KAZN: variants seen among roughly 807,000 people sequenced by gnomAD.
KAZN encodes the protein kazrin, periplakin interacting protein.
KAZN carries 40 observed loss-of-function variants against 87.4 expected under a neutral mutation model. The observed-to-expected ratio is 0.46, with a 90% confidence interval of 0.36 to 0.60. The LOEUF (loss-of-function observed/expected upper bound fraction) is 0.60. Ranked by LOEUF, KAZN falls within the 20% of genes least tolerant of loss-of-function variation. KAZN has a pLI of 0.00. For synonymous variants in KAZN, 466 were observed against 458.3 expected (o/e 1.02, Z -0.22); for missense variants, 898 against 1,073.9 (o/e 0.84, Z 2.29).
chr1:14,988,471 G>A (rs1011252684), intron 2 of KAZN, among the ~76,000 whole-genome samples: 10 of 152,252 alleles, frequency 6.6e-5, no homozygotes, highest in African/African-American at 2.4e-4. Flanking sequence ...CCTGCTGGAG[G>A]GAATCGTGAT....
At chr1:14,343,819 A>G (rs779168580) in intron 2 of KAZN, among the ~76,000 whole-genome samples, 1 of 152,206 alleles carries the variant, frequency 6.6e-6, no homozygotes, top group Non-Finnish European at 1.5e-5. Context: ...ATGAGCGGGC[A>G]GCCTCTCTCC....
At chr1:14,432,320 G>A (rs888538771) in intron 2 of KAZN, among the ~76,000 whole-genome samples, 2 of 152,184 alleles carry the variant, frequency 1.3e-5, no homozygotes, top group Non-Finnish European at 2.9e-5. Context: ...TCACCAGAAT[G>A]GAAAAGAAAA....
At chr1:14,675,805 A>C (rs1367776577) in intron 1 of KAZN, among the ~76,000 whole-genome samples, 1 of 152,066 alleles carries the variant, frequency 6.6e-6, no homozygotes, top group African/African-American at 2.4e-5. Flanking sequence ...ACTTTGGGGG[A>C]ATAGCCAAGG....
At chr1:14,147,066 CT>C (rs1383179064) in intron 1 of KAZN, among the ~76,000 whole-genome samples, 3 of 151,918 alleles carry the variant, frequency 2.0e-5, no homozygotes, top group African/African-American at 7.3e-5. Flanking sequence ...TTTTCTTTTC[CT>C]TTTGATTTTC....
At chr1:14,149,310 C>A (rs1293427064) in intron 1 of KAZN, among the ~76,000 whole-genome samples, 4 of 150,656 alleles carry the variant, frequency 2.7e-5, no homozygotes, top group Non-Finnish European at 4.4e-5. Flanking sequence ...GGTTTCATAG[C>A]ATTAGCCAGG....
intron 1 of KAZN, among the ~76,000 whole-genome samples, chr1:14,614,121 A>G (rs922321834): frequency 5.3e-5 from 8 of 152,252 alleles, no homozygotes; most frequent in Admixed American, 2.0e-4. Flanking sequence ...ACCCTGCCTC[A>G]TCTCCAGCAA....
intron 1 of KAZN, among the ~76,000 whole-genome samples, chr1:14,654,443 C>T (rs1328946285): frequency 6.6e-6 from 1 of 152,132 alleles, no homozygotes; most frequent in Non-Finnish European, 1.5e-5. Context: ...TAAATCCCCC[C>T]GCTGCCTCTC....
intron 1 of KAZN, among the ~76,000 whole-genome samples, chr1:14,077,761 A>G (rs1643516825): frequency 6.6e-6 from 1 of 152,222 alleles, no homozygotes; most frequent in African/African-American, 2.4e-5. Flanking sequence ...TAAGTTAAAA[A>G]GAGGTCACTG....
At chr1:14,653,826 C>T (rs1638607253) in intron 1 of KAZN, among the ~76,000 whole-genome samples, 1 of 152,182 alleles carries the variant, frequency 6.6e-6, no homozygotes, top group Non-Finnish European at 1.5e-5. Flanking sequence ...GAATACTTTA[C>T]CTAAATCAGG....
At chr1:14,803,700 T>A (rs1258916177) in intron 1 of KAZN, among the ~76,000 whole-genome samples, 1 of 152,206 alleles carries the variant, frequency 6.6e-6, no homozygotes, top group Non-Finnish European at 1.5e-5. Context: ...CGACGGCACC[T>A]CCCGAGCCCT....
intron 1 of KAZN, among the ~76,000 whole-genome samples, chr1:14,901,871 A>G (rs965416074): frequency 3.9e-5 from 6 of 152,152 alleles, no homozygotes; most frequent in African/African-American, 1.2e-4. Context: ...ATGCTGATAT[A>G]TTTGGGGAAA....
intron 1 of KAZN, among the ~76,000 whole-genome samples, chr1:14,780,874 A>G (rs1338186951): frequency 6.6e-6 from 1 of 152,230 alleles, no homozygotes; most frequent in African/African-American, 2.4e-5. Context: ...AATATTTTTT[A>G]TCTTGACTTA....
intron 1 of KAZN, among the ~76,000 whole-genome samples, chr1:14,927,725 G>A (rs1016403080): frequency 3.9e-5 from 6 of 152,152 alleles, no homozygotes; most frequent in Admixed American, 3.3e-4. Context: ...TCTTAACCCC[G>A]AGCTCAGAAA....
intron 1 of KAZN, among the ~76,000 whole-genome samples, chr1:14,757,375 T>C (rs934664441): frequency 3.3e-5 from 5 of 152,108 alleles, no homozygotes; most frequent in African/African-American, 1.2e-4. Flanking sequence ...GAAGGAAAGA[T>C]TGGAATGTAC....
chr1:14,010,150 AT>A (rs1557779780), intron 1 of KAZN, among the ~76,000 whole-genome samples: 1 of 152,066 alleles, frequency 6.6e-6, no homozygotes. Context: ...TTATCCTACC[AT>A]GGGTCTGAGA....
intron 2 of KAZN, among the ~76,000 whole-genome samples, chr1:14,446,528 C>T (rs965048804): frequency 1.3e-5 from 2 of 152,210 alleles, no homozygotes; most frequent in Non-Finnish European, 2.9e-5. Context: ...AAAATCTCCT[C>T]TGCCATGGTT....
chr1:14,253,783 C>T (rs1240044097), intron 2 of KAZN, among the ~76,000 whole-genome samples: 1 of 152,044 alleles, frequency 6.6e-6, no homozygotes, highest in Non-Finnish European at 1.5e-5. Flanking sequence ...CAAAATAGGC[C>T]TCGGACTTCC....
rs56926637 is a variant in KAZN at position 13,972,280 on chromosome 1, T to C, written c.91+78524T>C. Among the ~76,000 whole-genome samples the C allele has an allele frequency of 2.3e-4, 35 of 150,566 alleles. 1 individual carries two copies. In the South Asian group the frequency reaches 7.4e-3, roughly 32 times the overall value. ...ACTTTTTTTCTTTTTTCTTTTCTTTTTTTTTTTTTTTGAGACACAGTCTTG... is the reference window on the plus strand; with the variant it reads ...ACTTTTTTTCTTTTTTCTTTTCTTTCTTTTTTTTTTTGAGACACAGTCTTG... On this transcript the variant is annotated intron_variant, in intron 1 of 16. Coordinates refer to the KAZN transcript ENST00000636203.
intron 1 of KAZN, among the ~76,000 whole-genome samples, chr1:14,705,806 T>C (rs1642177091): frequency 2.6e-5 from 4 of 152,134 alleles, no homozygotes; most frequent in Admixed American, 2.6e-4. Flanking sequence ...AGGCATTTGT[T>C]AAAGACTACA....
Sources: gnomAD v4.1 joint callset for allele counts (sites outside exome capture counted in the v4.1 genomes callset) on GRCh38, gnomAD v4.1.1 for gene constraint, MANE v1.5 for transcripts, NCBI Gene and HGNC (gene_info 2026-07-23, HGNC 2026-07-21) for gene names.